Variants in UBAP2 observed in about 807,000 individuals in gnomAD.
The protein encoded by UBAP2 is ubiquitin associated protein 2, also known as ubiquitin-associated protein 2.
In UBAP2, 75 loss-of-function variants were observed where a neutral mutation model predicts 139.6. The observed-to-expected ratio is 0.54, with a 90% CI of 0.45 to 0.65. UBAP2 has a LOEUF of 0.65. Among genes scored for constraint, UBAP2 ranks in the 30% least tolerant of loss-of-function variants. The pLI is 0.00. For synonymous variants in UBAP2, 526 were observed against 526.2 expected (o/e 1.00, Z 0.01); for missense variants, 1,368 against 1,369.6 (o/e 1.00, Z 0.02).
rs1170182976 is a variant in UBAP2, at chr9:34,014,324, CAAAAAAAAAAAAAA to C, written c.99+2712_99+2725del. 1.1e-4 allele frequency among the ~76,000 whole-genome samples: 6 copies of C among 55,676 alleles called. No individual in the cohort carries two copies. The South Asian group carries it at 4.5e-3, about 42-fold the overall frequency. 36.5% of individuals were successfully genotyped at this position (55,676 alleles called of 152,430 possible). ...ACTGGGCTACAGAGCGAGACTGTCT[CAAAAAAAAAAAAAA>C]AAAAAAAAAAGGTCAGGTGCGGTGG... On this transcript the variant is annotated intron_variant, in intron 2 of 28. Coordinates refer to ENST00000379238, the MANE Select transcript of UBAP2 (RefSeq NM_001370062.2).
rs1823142288 is a variant in UBAP2, at chr9:33,923,669, TTCTG to T, written c.2796+122_2796+125del. The stretch of plus-strand genomic sequence containing the variant: ...TGACCTTGTCCCCAGCCTGAACAGT[TTCTG>T]AAGACCAGGTAAGACGGAGTGGAAT... On this transcript the variant is annotated intron_variant, in intron 24 of 28. Transcript: ENST00000379238. The T allele has an allele frequency of 6.1e-6, 7 of 1,147,890 alleles. No individual in the cohort carries two copies. In the Admixed American group the frequency reaches 1.3e-4, roughly 21 times the overall value. 71.1% of individuals were successfully genotyped at this position (1,147,890 alleles called of 1,614,324 possible). A position where few individuals can be genotyped will look rare whatever the true frequency, so the allele number is the denominator to read the frequency against.
intron 20 of UBAP2, among the ~76,000 whole-genome samples, chr9:33,927,391 G>A (rs1158891099): frequency 6.6e-6 from 1 of 152,148 alleles, no homozygotes; most frequent in African/African-American, 2.4e-5. Flanking sequence ...CTCCAAAGAG[G>A]GCAAGGAAGC....
At chr9:33,928,142 G>A (rs889801101) in intron 19 of UBAP2, 150 bp from the exon 20 acceptor site, 2 of 725,306 alleles carry the variant, frequency 2.8e-6, no homozygotes, top group African/African-American at 1.8e-5. Flanking sequence ...GAGAGGCTCT[G>A]TGCTCAGTGC....
At chr9:33,990,056 CAT>C (rs4008759) in intron 4 of UBAP2, among the ~76,000 whole-genome samples, 144,197 of 149,582 alleles carry the variant, frequency 0.96, 69,574 homozygotes, top group Non-Finnish European at 0.99. Flanking sequence ...TCTAATCTAC[CAT>C]ATATATATAT....
chr9:34,030,800 G>A (rs1382002972), intron 1 of UBAP2, among the ~76,000 whole-genome samples: 9 of 151,778 alleles, frequency 5.9e-5, no homozygotes. Context: ...CATAGTGGCA[G>A]GCGCCTGTAG....
intron 18 of UBAP2, 78 bp downstream of exon 18, chr9:33,933,412 C>T: frequency 5.2e-6 from 8 of 1,524,628 alleles, no homozygotes; most frequent in Non-Finnish European, 7.1e-6. Context: ...GTGCTCTGTT[C>T]ATGAAAGCAA....
At chr9:34,037,530 T>C (rs1275400256) in intron 1 of UBAP2, among the ~76,000 whole-genome samples, 1 of 152,208 alleles carries the variant, frequency 6.6e-6, no homozygotes, top group African/African-American at 2.4e-5. Context: ...AGGGTTGGCA[T>C]AGCAGTCATG....
At chr9:33,923,346 C>A (rs779821759) in intron 25 of UBAP2, 33 bp downstream of exon 25, 10 of 1,613,948 alleles carry the variant, frequency 6.2e-6, no homozygotes, top group Non-Finnish European at 8.5e-6. Flanking sequence ...CCTGTCTAAC[C>A]CCATGTGTCT....
rs576487652 is a variant in UBAP2, at chr9:33,975,615, G to A, written c.521-2378C>T. ...AGATCGAGACCATCCTGGCTAACAC[G>A]GTGAAACCTCATCTCTACTAAAAAT... is the stretch of plus-strand genomic sequence containing the variant. On this transcript the variant is annotated intron_variant, in intron 6 of 28. Transcript: ENST00000379238. Among the ~76,000 whole-genome samples the A allele has an allele frequency of 9.6e-4, 143 of 149,404 alleles. 1 individual carries two copies. The highest frequency in any genetic ancestry group is 3.3e-3 in the African/African-American group (133 of 40,650).
At position 33,922,311 on chromosome 9, in the gene UBAP2, T is replaced by C. The variant is rs906492550; in HGVS notation, c.*193A>G. On this transcript the variant is annotated 3_prime_UTR_variant, in exon 29 of 29. Coordinates refer to ENST00000379238, the MANE Select transcript of UBAP2 (RefSeq NM_001370062.2). ...GCCATCCCCCAACTCCCCCCCAGAC[T>C]TCTATCACATTTACAAATACATACA... 5.0e-6 allele frequency: 3 copies of C among 601,446 alleles called. No individual in the cohort carries two copies. In the African/African-American group the frequency reaches 5.6e-5, roughly 11 times the overall value. The allele number at this position is 601,446 out of a possible 1,614,324, so 37.3% of individuals were successfully genotyped here.
rs1825413772 is a variant in UBAP2 at position 33,943,570 on chromosome 9, T to C, written c.1565A>G (p.Glu522Gly). 6.2e-7 allele frequency: 1 copy of C among 1,614,022 alleles called. No homozygotes were observed. The highest frequency in any genetic ancestry group is 1.1e-5 in the South Asian group (1 of 91,074). The change falls in exon 15 of 29, where the codon GAA becomes GGA. Residue 522 changes from glutamate (E) to glycine (G), a missense_variant. By Grantham distance (98) the Glu-to-Gly change is moderately conservative. Coordinates refer to ENST00000379238, the MANE Select transcript of UBAP2 (RefSeq NM_001370062.2). ...TGTGACATCTGCTGAACCAGGCATT[T>C]CCACTGCAGAAGCTGGGATCTGAAA... ...PASKIPASAVEMPGSADVTGL... is the reference protein window; with the variant it reads ...PASKIPASAVGMPGSADVTGL...
At chr9:33,984,891 C>A (rs1821073038) in intron 6 of UBAP2, among the ~76,000 whole-genome samples, 1 of 152,140 alleles carries the variant, frequency 6.6e-6, no homozygotes, top group African/African-American at 2.4e-5. Flanking sequence ...AGGAAGATTG[C>A]CTGAACCCAG....
intron 8 of UBAP2, among the ~76,000 whole-genome samples, chr9:33,965,137 T>C (rs1362719509): frequency 6.6e-6 from 1 of 152,216 alleles, no homozygotes; most frequent in Non-Finnish European, 1.5e-5. Flanking sequence ...CCTTCACCAG[T>C]CTCCGTGTTA....
At position 33,959,551 on chromosome 9, in the gene UBAP2, A is replaced by G. The variant is rs752453704; in HGVS notation, c.798+1275T>C. Among the ~76,000 whole-genome samples, 65 of 152,324 alleles carry G rather than the reference A, an allele frequency of 4.3e-4. 1 individual carries two copies. In the Middle Eastern group the frequency reaches 0.027, roughly 64 times the overall value. On this transcript the variant is annotated intron_variant, in intron 10 of 28. Coordinates refer to ENST00000379238, the MANE Select transcript of UBAP2 (RefSeq NM_001370062.2). ...TGACAGTCAAACAGAAAAGAGGTAT[A>G]AAATTTTATGGTATTGGGTTATTTA...
At chr9:34,042,622 A>G (rs1827201032) in intron 1 of UBAP2, among the ~76,000 whole-genome samples, 1 of 151,736 alleles carries the variant, frequency 6.6e-6, no homozygotes, top group Non-Finnish European at 1.5e-5. Context: ...CCTTGTCTCT[A>G]TTTTAAAACA....
chr9:33,965,170 G>C (rs1827350632), intron 8 of UBAP2, among the ~76,000 whole-genome samples: 1 of 152,164 alleles, frequency 6.6e-6, no homozygotes, highest in Non-Finnish European at 1.5e-5. Context: ...TACCATTTCT[G>C]ACCCTCTCCA....
At chr9:34,012,823 C>A (rs1823874760) in intron 2 of UBAP2, among the ~76,000 whole-genome samples, 1 of 149,376 alleles carries the variant, frequency 6.7e-6, no homozygotes, top group South Asian at 2.1e-4. Flanking sequence ...GCAACTTTTC[C>A]GTAAATCTCA....
At chr9:34,017,411 A>G (rs1158118041) in intron 1 of UBAP2, among the ~76,000 whole-genome samples, 1 of 152,160 alleles carries the variant, frequency 6.6e-6, no homozygotes, top group Non-Finnish European at 1.5e-5. Context: ...CTAAACAAAA[A>G]TCTCAAGTAC....
In UBAP2 at chr9:33,954,304, C is replaced by CACA. The variant is rs1826369356; in HGVS notation, c.867-831_867-830insTGT. The stretch of plus-strand genomic sequence containing the variant: ...CACACACACACACACACACACACGC[C>CACA]CATATAATTTTATCTTTAAAATATT... On this transcript the variant is annotated intron_variant, in intron 11 of 28. Coordinates refer to ENST00000379238, the MANE Select transcript of UBAP2 (RefSeq NM_001370062.2). Among the ~76,000 whole-genome samples, 5 of 17,730 alleles carry CACA rather than the reference C, an allele frequency of 2.8e-4. No individual in the cohort carries two copies. The South Asian group carries it at 0.011, about 40-fold the overall frequency. 11.6% of individuals were successfully genotyped at this position (17,730 alleles called of 152,430 possible).
Sources: allele counts gnomAD v4.1 joint callset (sites outside exome capture counted in the v4.1 genomes callset), GRCh38; gene constraint gnomAD v4.1.1; transcripts MANE v1.5; gene names NCBI Gene and HGNC (gene_info 2026-07-23, HGNC 2026-07-21).